OLA1: variants seen among roughly 807,000 people sequenced by gnomAD.
OLA1 encodes the protein Obg like ATPase 1.
Under a neutral mutation model 48.4 loss-of-function variants are expected in OLA1, and 14 were observed. The ratio of observed to expected loss-of-function variants is 0.29; its 90% CI spans 0.19 to 0.45. The LOEUF (loss-of-function observed/expected upper bound fraction) is 0.45. OLA1 is among the 20% of genes least tolerant of loss of function. The probability of loss-of-function intolerance (pLI) is 1.00; values close to 1 mark genes in which losing one functional copy is unlikely to be tolerated. For missense variants in OLA1, 325 were observed against 467.1 expected (o/e 0.70, Z 2.80); for synonymous variants, 127 against 150.4 (o/e 0.84, Z 1.14).
chr2:174,189,863 C>CAAAAAAAAA (rs754785994), intron 4 of OLA1, among the ~76,000 whole-genome samples: 1 of 55,106 alleles, frequency 1.8e-5, no homozygotes, highest in Non-Finnish European at 3.4e-5. Flanking sequence ...ATAATCAGAG[C>CAAAAAAAAA]AAAAAAAAAA....
At chr2:174,081,119 T>C (rs1258785247) in intron 9 of OLA1, 33 bp downstream of exon 9, 1 of 1,534,788 alleles carries the variant, frequency 6.5e-7, no homozygotes, top group Non-Finnish European at 9.0e-7. Flanking sequence ...AGTGTGGAAC[T>C]GGATATAGCT....
chr2:174,134,290 C>T (rs1454175369), intron 5 of OLA1, among the ~76,000 whole-genome samples: 2 of 151,960 alleles, frequency 1.3e-5, no homozygotes, highest in African/African-American at 4.8e-5. Context: ...AAGTAAATTT[C>T]GTTGAAGTTT....
chr2:174,113,586 TA>T (rs905101009), intron 7 of OLA1, among the ~76,000 whole-genome samples: 14 of 151,548 alleles, frequency 9.2e-5, no homozygotes, highest in Admixed American at 3.9e-4. Context: ...CTTATTATCC[TA>T]AAAAAAAACC....
chr2:174,134,170 A>G (rs1686247968), intron 5 of OLA1, among the ~76,000 whole-genome samples: 1 of 152,208 alleles, frequency 6.6e-6, no homozygotes, highest in Non-Finnish European at 1.5e-5. Context: ...ATATTGTTTG[A>G]GTAACTGTGT....
intron 5 of OLA1, 96 bp from the exon 6 acceptor site, chr2:174,123,771 ATTGT>A (rs1281861061): frequency 7.6e-6 from 4 of 525,532 alleles, no homozygotes; most frequent in African/African-American, 5.9e-5. Context: ...ATAAAAATAG[ATTGT>A]TTTAATGAAA....
chr2:174,114,477 G>A (rs901468071), intron 7 of OLA1, among the ~76,000 whole-genome samples: 1 of 151,128 alleles, frequency 6.6e-6, no homozygotes, highest in Non-Finnish European at 1.5e-5. Context: ...TGACCTTCAT[G>A]TTGGACATCC....
chr2:174,158,505 T>C (rs2105394416), intron 4 of OLA1, among the ~76,000 whole-genome samples: 2 of 152,246 alleles, frequency 1.3e-5, no homozygotes, highest in Admixed American at 1.3e-4. Context: ...TAAACTCAGA[T>C]ACAGTCTTGA....
intron 4 of OLA1, among the ~76,000 whole-genome samples, chr2:174,169,073 G>A (rs1359589563): frequency 1.3e-5 from 2 of 152,054 alleles, no homozygotes; most frequent in African/African-American, 4.8e-5. Context: ...ATTCTCCCAA[G>A]TAGCTGGGAT....
At chr2:174,216,779 C>A (rs543456566) in intron 4 of OLA1, among the ~76,000 whole-genome samples, 1 of 152,222 alleles carries the variant, frequency 6.6e-6, no homozygotes, top group East Asian at 1.9e-4. Context: ...AACTCCTAGA[C>A]TCAAGCAATC....
In OLA1 at chr2:174,081,061, C is replaced by T. The variant is rs775304344; in HGVS notation, c.966+91G>A. On this transcript the variant is annotated intron_variant, in intron 9 of 10. Coordinates refer to ENST00000284719, the MANE Select transcript of OLA1 (RefSeq NM_013341.5). The stretch of plus-strand genomic sequence containing the variant: ...ACCTCATCTGTAATGACTAGCTAAC[C>T]GCCACCATGACAAACTTCAAAGTCA... 2.4e-5 allele frequency: 25 copies of T among 1,053,276 alleles called. 1 individual carries two copies. The highest frequency in any genetic ancestry group is 6.6e-5 in the South Asian group (5 of 76,166). The allele number at this position is 1,053,276 out of a possible 1,614,324, so 65.2% of individuals were successfully genotyped here.
chr2:174,135,744 A>C (rs933293193), intron 5 of OLA1, among the ~76,000 whole-genome samples: 1 of 152,240 alleles, frequency 6.6e-6, no homozygotes, highest in Non-Finnish European at 1.5e-5. Context: ...GAAAGGACAC[A>C]CAACAGTCTA....
At chr2:174,110,645 C>A (rs73033815) in intron 7 of OLA1, among the ~76,000 whole-genome samples, 258 of 151,654 alleles carry the variant, frequency 1.7e-3, no homozygotes, top group African/African-American at 5.9e-3. Flanking sequence ...CAGGGTCCCA[C>A]TATATTGCTC....
At chr2:174,167,391 C>T (rs553329679) in intron 4 of OLA1, among the ~76,000 whole-genome samples, 62 of 152,294 alleles carry the variant, frequency 4.1e-4, no homozygotes, top group African/African-American at 1.3e-3. Context: ...GGCTGACCAA[C>T]ATGGTGAAAC....
intron 7 of OLA1, among the ~76,000 whole-genome samples, chr2:174,091,264 T>TC (rs977895918): frequency 3.9e-5 from 6 of 152,194 alleles, no homozygotes; most frequent in Non-Finnish European, 8.8e-5. Context: ...TAAAAGGATT[T>TC]CCCAATGTGG....
chr2:174,093,796 G>C (rs1394151382), intron 7 of OLA1, among the ~76,000 whole-genome samples: 2 of 152,190 alleles, frequency 1.3e-5, no homozygotes, highest in African/African-American at 2.4e-5. Context: ...CTATATACAA[G>C]ATAAACTTAT....
chr2:174,119,910 G>A (rs1685874365), intron 7 of OLA1, among the ~76,000 whole-genome samples: 1 of 151,184 alleles, frequency 6.6e-6, no homozygotes, highest in Non-Finnish European at 1.5e-5. Context: ...ATGACTACAA[G>A]CCCACCAGGG....
chr2:174,118,241 C>T (rs1162995366), intron 7 of OLA1, among the ~76,000 whole-genome samples: 3 of 152,142 alleles, frequency 2.0e-5, no homozygotes, highest in African/African-American at 7.2e-5. Context: ...ACATGAGATT[C>T]GGGCAGAGAC....
chr2:174,077,321 T>TATAC (rs34621038), intron 10 of OLA1, among the ~76,000 whole-genome samples: 11,752 of 150,720 alleles, frequency 0.078, 555 homozygotes, highest in African/African-American at 0.13. Flanking sequence ...TAGAAATACA[T>TATAC]ATACATACAT....
intron 2 of OLA1, among the ~76,000 whole-genome samples, chr2:174,241,668 C>T (rs1689007753): frequency 6.6e-6 from 1 of 152,228 alleles, no homozygotes; most frequent in African/African-American, 2.4e-5. Context: ...CAGAGTCGCA[C>T]TCTGTGGCCC....
Sources: gnomAD v4.1 joint callset for allele counts (sites outside exome capture counted in the v4.1 genomes callset) on GRCh38, gnomAD v4.1.1 for gene constraint, MANE v1.5 for transcripts, NCBI Gene and HGNC (gene_info 2026-07-23, HGNC 2026-07-21) for gene names.